PRRX1: variants seen among roughly 807,000 people sequenced by gnomAD.
PRRX1 encodes the protein paired mesoderm homeobox protein 1.
In PRRX1, 8 loss-of-function variants were observed where a neutral mutation model predicts 24.0. That is an observed-to-expected ratio of 0.33 (90% CI 0.20 to 0.60). The LOEUF (loss-of-function observed/expected upper bound fraction) is 0.60, where lower values mean the gene tolerates loss of function less well. PRRX1 is among the 20% of genes least tolerant of loss of function. The pLI, the probability that PRRX1 is intolerant of heterozygous loss-of-function variation, is 0.82. For missense variants in PRRX1, 281 were observed against 322.4 expected (o/e 0.87, Z 0.98); for synonymous variants, 160 against 131.7 (o/e 1.22, Z -1.47).
chr1:170,707,254 G>T (rs2101908685), intron 1 of PRRX1, among the ~76,000 whole-genome samples: 1 of 152,218 alleles, frequency 6.6e-6, no homozygotes, highest in South Asian at 2.1e-4. Flanking sequence ...TAAGTTTAAT[G>T]ATATCATCAG....
intron 3 of PRRX1, among the ~76,000 whole-genome samples, chr1:170,734,136 T>G (rs1655527436): frequency 6.6e-6 from 1 of 152,110 alleles, no homozygotes; most frequent in Non-Finnish European, 1.5e-5. Context: ...CCTGCTTTTG[T>G]CATGTCCTAC....
intron 1 of PRRX1, among the ~76,000 whole-genome samples, chr1:170,691,761 T>C (rs1212282179): frequency 6.6e-6 from 1 of 151,912 alleles, no homozygotes; most frequent in African/African-American, 2.4e-5. Flanking sequence ...ACAAAGATAG[T>C]ATTGAAAATA....
intron 3 of PRRX1, chr1:170,727,576 T>C (rs1438643231): frequency 6.6e-6 from 1 of 152,244 alleles, no homozygotes; most frequent in East Asian, 1.9e-4. Flanking sequence ...GCAAGTGTTT[T>C]TCAAAGGTTC....
intron 1 of PRRX1, among the ~76,000 whole-genome samples, chr1:170,687,942 A>T (rs1444014801): frequency 6.6e-6 from 1 of 152,154 alleles, no homozygotes; most frequent in African/African-American, 2.4e-5. Context: ...CTGTGGTGAG[A>T]AAAAGGGGAA....
At chr1:170,721,479 A>G (rs908369058) in intron 2 of PRRX1, among the ~76,000 whole-genome samples, 1 of 152,180 alleles carries the variant, frequency 6.6e-6, no homozygotes, top group Non-Finnish European at 1.5e-5. Flanking sequence ...GTTGATGCAG[A>G]GATCCTAGTG....
chr1:170,670,763 G>A (rs1653117509), intron 1 of PRRX1, among the ~76,000 whole-genome samples: 1 of 152,084 alleles, frequency 6.6e-6, no homozygotes. Flanking sequence ...CACAAATGGT[G>A]GTTGGTTAAG....
chr1:170,705,268 A>C (rs1317270376), intron 1 of PRRX1, among the ~76,000 whole-genome samples: 2 of 152,066 alleles, frequency 1.3e-5, no homozygotes, highest in Admixed American at 6.6e-5. Flanking sequence ...GCCTTGGTTT[A>C]TTTAAATTTT....
rs190697770 is a variant in PRRX1 at position 170,704,063 on chromosome 1, T to C, written c.242-15663T>C. On this transcript the variant is annotated intron_variant, in intron 1 of 3. Coordinates refer to ENST00000239461, the MANE Select transcript of PRRX1 (RefSeq NM_022716.4). ...CACTGACCATTTTTATTCTGAAATA[T>C]AACTAAACATTGATTTCCCCAAGTG... Among the ~76,000 whole-genome samples, 412 of 152,328 alleles carry C rather than the reference T, an allele frequency of 2.7e-3. 1 individual carries two copies. The highest frequency in any genetic ancestry group is 9.4e-3 in the African/African-American group (390 of 41,576).
intron 1 of PRRX1, among the ~76,000 whole-genome samples, chr1:170,670,425 A>G (rs1653106994): frequency 6.6e-6 from 1 of 152,202 alleles, no homozygotes; most frequent in African/African-American, 2.4e-5. Flanking sequence ...AATGCTGTTT[A>G]TTCTAAAATC....
chr1:170,666,316 G>A (rs1331136784), intron 1 of PRRX1, among the ~76,000 whole-genome samples: 1 of 150,610 alleles, frequency 6.6e-6, no homozygotes, highest in Non-Finnish European at 1.5e-5. Context: ...TACTCAGCAG[G>A]CTGAGGCAGG....
chr1:170,675,389 T>G (rs1324312939), intron 1 of PRRX1, among the ~76,000 whole-genome samples: 1 of 152,172 alleles, frequency 6.6e-6, no homozygotes, highest in Non-Finnish European at 1.5e-5. Flanking sequence ...ACAAAATTAG[T>G]CGGGGAAAAA....
intron 1 of PRRX1, among the ~76,000 whole-genome samples, chr1:170,691,340 C>T (rs376381975): frequency 2.0e-5 from 3 of 152,044 alleles, no homozygotes; most frequent in Admixed American, 6.6e-5. Flanking sequence ...ATCAAACTTA[C>T]ATAAATAATG....
At chr1:170,707,300 A>G (rs1029485344) in intron 1 of PRRX1, among the ~76,000 whole-genome samples, 19 of 152,152 alleles carry the variant, frequency 1.2e-4, no homozygotes, top group African/African-American at 4.6e-4. Flanking sequence ...AAGCCCTAGT[A>G]TGGAAATAAC....
chr1:170,705,471 CAG>C (rs1654527196), intron 1 of PRRX1, among the ~76,000 whole-genome samples: 2 of 152,026 alleles, frequency 1.3e-5, no homozygotes, highest in African/African-American at 4.8e-5. Context: ...TTTGTAGAGA[CAG>C]GGTTTCGCAA....
chr1:170,688,473 C>T (rs886664733), intron 1 of PRRX1, among the ~76,000 whole-genome samples: 24 of 151,744 alleles, frequency 1.6e-4, no homozygotes, highest in African/African-American at 5.6e-4. Context: ...CTTTTAATAT[C>T]CTTGAAAATT....
At chr1:170,718,502 G>A (rs1008508839) in intron 1 of PRRX1, among the ~76,000 whole-genome samples, 8 of 152,206 alleles carry the variant, frequency 5.3e-5, no homozygotes. Flanking sequence ...AGGAGAATTT[G>A]CATATTAGAA....
rs139681455 is a variant in PRRX1 at position 170,730,642 on chromosome 1, T to G, written c.599+4241T>G. The G allele has an allele frequency of 1.1e-3, 374 of 344,324 alleles. 1 individual carries two copies. Among genetic ancestry groups the G allele is most frequent in the Non-Finnish European group, 1.7e-3 (322 of 185,172 alleles). The allele number at this position is 344,324 out of a possible 1,614,324, so 21.3% of individuals were successfully genotyped here. On this transcript the variant is annotated intron_variant, in intron 3 of 3. Coordinates refer to ENST00000239461, the MANE Select transcript of PRRX1 (RefSeq NM_022716.4). ...TCCAGGTTGGAGCTTGGATTGTGTA[T>G]CTCTAACTTGCTTCTAGGTGATGCT...
chr1:170,695,029 G>T (rs1654120453), intron 1 of PRRX1, among the ~76,000 whole-genome samples: 1 of 152,148 alleles, frequency 6.6e-6, no homozygotes, highest in Non-Finnish European at 1.5e-5. Context: ...CTTACTTGTA[G>T]TTGCAAAGAC....
chr1:170,684,578 C>T (rs1443308370), intron 1 of PRRX1, among the ~76,000 whole-genome samples: 2 of 152,160 alleles, frequency 1.3e-5, no homozygotes, highest in Admixed American at 6.5e-5. Flanking sequence ...CATGGTGAAA[C>T]CTCATCTGTA....
Sources: gnomAD v4.1 joint callset for allele counts (sites outside exome capture counted in the v4.1 genomes callset) on GRCh38, gnomAD v4.1.1 for gene constraint, MANE v1.5 for transcripts, NCBI Gene and HGNC (gene_info 2026-07-23, HGNC 2026-07-21) for gene names.